The following NTM variants were observed in gnomAD, a reference collection of about 807,000 sequenced individuals.
NTM encodes the protein neurotrimin, also known as IgLON family member 2.
A neutral mutation model predicts 42.1 loss-of-function variants in NTM; 13 were observed. The ratio of observed to expected loss-of-function variants is 0.31; its 90% confidence interval spans 0.20 to 0.49. The LOEUF (loss-of-function observed/expected upper bound fraction) is 0.49, where lower values mean the gene tolerates loss of function less well. Among genes scored for constraint, NTM ranks in the 20% least tolerant of loss-of-function variants. NTM has a pLI of 0.99. For synonymous variants in NTM, 187 were observed against 179.2 expected (o/e 1.04, Z -0.35); for missense variants, 373 against 452.8 (o/e 0.82, Z 1.60).
At chr11:131,940,039 A>G (rs2059629576) in intron 2 of NTM, among the ~76,000 whole-genome samples, 1 of 152,220 alleles carries the variant, frequency 6.6e-6, no homozygotes, top group African/African-American at 2.4e-5. Flanking sequence ...CTGAACCCAG[A>G]AGGAAAAGAA....
chr11:132,316,282 A>AGAT (rs1196062005), intron 7 of NTM, among the ~76,000 whole-genome samples: 1 of 152,232 alleles, frequency 6.6e-6, no homozygotes, highest in African/African-American at 2.4e-5. Context: ...AGAGTTGAAT[A>AGAT]GATGACATTT....
At chr11:131,882,168 G>GTGTGTA (rs1565673072) in intron 1 of NTM, among the ~76,000 whole-genome samples, 1 of 152,216 alleles carries the variant, frequency 6.6e-6, no homozygotes, top group African/African-American at 2.4e-5. Flanking sequence ...TAGGGTGTAT[G>GTGTGTA]TGTGTATGTG....
At chr11:131,679,668 G>C (rs1166467207) in intron 1 of NTM, among the ~76,000 whole-genome samples, 1 of 151,018 alleles carries the variant, frequency 6.6e-6, no homozygotes, top group Non-Finnish European at 1.5e-5. Context: ...GTGCCCCCTA[G>C]TAAGGTAGTA....
Position 132,199,267 on chromosome 11 carries a change from A to G in NTM, c.401-12755A>G, listed in dbSNP as rs2080791476. Reference sequence around the variant, plus strand: ...GGTGACTGCAAAGCATGGTACATAGAGTGTAGTTCACCTAATTCATATGGA... The same window carrying G: ...GGTGACTGCAAAGCATGGTACATAGGGTGTAGTTCACCTAATTCATATGGA... On this transcript the variant is annotated intron_variant, in intron 3 of 8. Transcript: ENST00000683400. Among the ~76,000 whole-genome samples the G allele has an allele frequency of 2.6e-5, 4 of 152,322 alleles. No individual in the cohort carries two copies. The South Asian group carries it at 8.3e-4, about 32-fold the overall frequency.
At chr11:132,206,588 C>T (rs1409303699) in intron 3 of NTM, among the ~76,000 whole-genome samples, 2 of 152,242 alleles carry the variant, frequency 1.3e-5, no homozygotes, top group African/African-American at 2.4e-5. Flanking sequence ...GGTGAAGTAA[C>T]TTGGCCAAGG....
chr11:132,317,723 C>T, intron 7 of NTM: 1 of 1,278,586 alleles, frequency 7.8e-7, no homozygotes, highest in Non-Finnish European at 1.0e-6. Context: ...GTTTTGTCTC[C>T]CCTTCCCTCT....
intron 1 of NTM, among the ~76,000 whole-genome samples, chr11:131,579,572 C>T (rs762810442): frequency 6.6e-6 from 1 of 152,160 alleles, no homozygotes. Context: ...TGTGGGGGAA[C>T]CAAAGCCACG....
chr11:131,998,540 G>T (rs893071467), intron 2 of NTM, among the ~76,000 whole-genome samples: 1 of 152,102 alleles, frequency 6.6e-6, no homozygotes, highest in Admixed American at 6.5e-5. Flanking sequence ...CCACGTAGCT[G>T]GTTGACTTTT....
intron 2 of NTM, among the ~76,000 whole-genome samples, chr11:131,951,003 G>T (rs950933723): frequency 3.6e-4 from 55 of 150,978 alleles, no homozygotes; most frequent in African/African-American, 1.1e-3. Flanking sequence ...TTTGGTAATT[G>T]TTTTTTTTTA....
rs930327773 is a variant in NTM at position 132,093,984 on chromosome 11, T to C, written c.168-52298T>C. ...AGCGCAGCTACGTGGTGAAGACTTA[T>C]GGGCAGAAAAAGGAAAGTGATGAAC... On this transcript the variant is annotated intron_variant, in intron 2 of 8. Transcript: ENST00000683400. Among the ~76,000 whole-genome samples, 13 of 152,138 alleles carry C rather than the reference T, an allele frequency of 8.5e-5. No homozygotes were observed. In the South Asian group the frequency reaches 1.2e-3, roughly 15 times the overall value.
intron 1 of NTM, among the ~76,000 whole-genome samples, chr11:131,873,538 G>GTGTA (rs1239313624): frequency 1.5e-5 from 1 of 66,532 alleles, no homozygotes; most frequent in South Asian, 3.4e-4. Flanking sequence ...GTGTGTGTGT[G>GTGTA]TATATATATA....
At chr11:132,190,456 G>A (rs2079118678) in intron 3 of NTM, among the ~76,000 whole-genome samples, 1 of 152,102 alleles carries the variant, frequency 6.6e-6, no homozygotes, top group African/African-American at 2.4e-5. Flanking sequence ...AGATAGAAAG[G>A]GCCGGGTGTG....
intron 4 of NTM, among the ~76,000 whole-genome samples, chr11:132,255,861 C>T (rs1023961669): frequency 2.6e-5 from 4 of 152,134 alleles, no homozygotes. Context: ...CTTCCAAGCT[C>T]ACCTCTACAC....
chr11:131,458,431 C>T lies in NTM; in HGVS notation c.82+87543C>T, dbSNP rs187552236. Among the ~76,000 whole-genome samples the T allele has an allele frequency of 1.1e-4, 16 of 152,304 alleles. No individual in the cohort carries two copies. The East Asian group carries it at 1.2e-3, about 11-fold the overall frequency. On this transcript the variant is annotated intron_variant, in intron 1 of 8. Coordinates refer to ENST00000683400, the MANE Select transcript of NTM (RefSeq NM_001352005.2). The stretch of plus-strand genomic sequence containing the variant: ...AGAGGAGAGTGGTCAAGAACACCTG[C>T]GGAGCTCCTTCCCCAGCCTCTGCCT...
At chr11:131,867,504 C>T (rs958377204) in intron 1 of NTM, among the ~76,000 whole-genome samples, 4 of 150,722 alleles carry the variant, frequency 2.7e-5, no homozygotes, top group Admixed American at 2.6e-4. Context: ...TATCTGTGAG[C>T]GTGTGTACAC....
chr11:132,007,973 C>T (rs2071194669), intron 2 of NTM, among the ~76,000 whole-genome samples: 1 of 152,044 alleles, frequency 6.6e-6, no homozygotes, highest in South Asian at 2.1e-4. Context: ...AAGGGAAGGG[C>T]TATGAGGAGT....
intron 1 of NTM, among the ~76,000 whole-genome samples, chr11:131,471,101 C>A (rs1039882080): frequency 6.6e-4 from 100 of 152,130 alleles, no homozygotes; most frequent in African/African-American, 2.3e-3. Context: ...TGCGATTGAC[C>A]AAACTGAAGC....
At chr11:132,134,201 G>A (rs1393115998) in intron 2 of NTM, among the ~76,000 whole-genome samples, 1 of 152,082 alleles carries the variant, frequency 6.6e-6, no homozygotes, top group Non-Finnish European at 1.5e-5. Context: ...GGGATTACAG[G>A]CGTGAGCCAC....
intron 1 of NTM, among the ~76,000 whole-genome samples, chr11:131,848,172 T>C (rs957303709): frequency 6.6e-6 from 1 of 152,196 alleles, no homozygotes; most frequent in Non-Finnish European, 1.5e-5. Flanking sequence ...AGAAAAGATA[T>C]ACTGAATATA....
Sources: gnomAD v4.1 joint callset for allele counts (sites outside exome capture counted in the v4.1 genomes callset) on GRCh38, gnomAD v4.1.1 for gene constraint, MANE v1.5 for transcripts, NCBI Gene and HGNC (gene_info 2026-07-23, HGNC 2026-07-21) for gene names.